CFAP57: variants seen among roughly 807,000 people sequenced by gnomAD.
CFAP57 encodes the protein cilia and flagella associated protein 57, also known as cilia- and flagella-associated protein 57.
A neutral mutation model predicts 146.8 loss-of-function variants in CFAP57; 116 were observed. The ratio of observed to expected loss-of-function variants is 0.79; its 90% CI spans 0.68 to 0.92. The LOEUF is 0.92. CFAP57 is among the 40% of genes least tolerant of loss of function. CFAP57 has a pLI of 0.00. For synonymous variants in CFAP57, 518 were observed against 552.8 expected (o/e 0.94, Z 0.88); for missense variants, 1,377 against 1,527.2 (o/e 0.90, Z 1.64).
chr1:43,230,761 A>G (rs1645434980), intron 18 of CFAP57, among the ~76,000 whole-genome samples: 1 of 152,144 alleles, frequency 6.6e-6, no homozygotes, highest in Non-Finnish European at 1.5e-5. Flanking sequence ...TCCTCTGTGT[A>G]CACACAGTGC....
At chr1:43,233,715 G>T (rs1645568861) in intron 19 of CFAP57, among the ~76,000 whole-genome samples, 2 of 152,146 alleles carry the variant, frequency 1.3e-5, no homozygotes, top group South Asian at 2.1e-4. Context: ...AAGGAGAAAT[G>T]ACTTTCTCTA....
chr1:43,234,718 C>A, intron 21 of CFAP57, 80 bp downstream of exon 21: 8 of 1,461,478 alleles, frequency 5.5e-6, no homozygotes, highest in Non-Finnish European at 7.3e-6. Context: ...CCTCTGAGAC[C>A]ACCTGTCTTC....
Position 43,236,889 on chromosome 1 carries a change from A to G in CFAP57, c.3405+2251A>G, listed in dbSNP as rs183448710. Among the ~76,000 whole-genome samples the G allele has an allele frequency of 6.7e-3, 950 of 141,984 alleles. 4 individuals are homozygous for G. Among genetic ancestry groups the G allele is most frequent in the Non-Finnish European group, 0.011 (733 of 65,740 alleles). The allele number at this position is 141,984 out of a possible 152,430, so 93.1% of individuals were successfully genotyped here. On this transcript the variant is annotated intron_variant, in intron 21 of 22. Coordinates refer to ENST00000372492, the MANE Select transcript of CFAP57 (RefSeq NM_001378189.1). ...GGGCCACTGCACTCCAGCCTGGGCG[A>G]CAGAGCGAGACTCCATCCCCCCCCA...
intron 21 of CFAP57, 47 bp from the exon 22 acceptor site, chr1:43,243,180 G>C: frequency 6.5e-7 from 1 of 1,542,332 alleles, no homozygotes; most frequent in Non-Finnish European, 8.7e-7. Flanking sequence ...TGTGCCCACT[G>C]ACCACTCATC....
intron 6 of CFAP57, among the ~76,000 whole-genome samples, chr1:43,190,610 G>GT (rs1643456346): frequency 6.6e-6 from 1 of 151,902 alleles, no homozygotes. Flanking sequence ...CTGTCTGTAG[G>GT]TTTTTTTGAA....
chr1:43,199,555 C>T, intron 9 of CFAP57, 52 bp downstream of exon 9: 1 of 1,528,524 alleles, frequency 6.5e-7, no homozygotes, highest in Non-Finnish European at 9.1e-7. Context: ...GCCAAGTATG[C>T]CGCCAGCCAG....
chr1:43,250,059 G>A (rs570395924), intron 22 of CFAP57, among the ~76,000 whole-genome samples: 1 of 152,244 alleles, frequency 6.6e-6, no homozygotes, highest in East Asian at 1.9e-4. Context: ...ATTTACATAA[G>A]TCACGTGAAC....
Position 43,252,157 on chromosome 1 carries a change from T to G in CFAP57, c.3539-1820T>G, listed in dbSNP as rs75179494. 1.3e-3 allele frequency among the ~76,000 whole-genome samples: 196 copies of G among 152,256 alleles called. 2 individuals carry two copies. In the East Asian group the frequency reaches 0.034, roughly 26 times the overall value. ...ATGCATATGGGAAAACTGACAAGGA[T>G]ATCTGTTTTAAAAACAAAGAAAAGA... On this transcript the variant is annotated intron_variant, in intron 22 of 22. Transcript: ENST00000372492.
At position 43,181,867 on chromosome 1, in the gene CFAP57, C is replaced by A. The variant is rs1193381263; in HGVS notation, c.474+17C>A. 6.2e-7 allele frequency: 1 copy of A among 1,611,724 alleles called. No homozygotes were observed. The highest frequency in any genetic ancestry group is 2.2e-5 in the East Asian group (1 of 44,870). On this transcript the variant is annotated intron_variant, in intron 3 of 22. Transcript: ENST00000372492. ...GTCTACCAGGTACCTAGTAGTGTGA[C>A]AAGTATCGTGAAAATTATAAAAAAT...
chr1:43,249,421 CTT>C (rs60189164), intron 22 of CFAP57, among the ~76,000 whole-genome samples: 142 of 67,872 alleles, frequency 2.1e-3, no homozygotes, highest in African/African-American at 7.7e-3. Context: ...TTAACCATTT[CTT>C]TTTTTTTTTT....
intron 15 of CFAP57, 78 bp downstream of exon 15, chr1:43,222,373 C>A: frequency 8.0e-7 from 1 of 1,242,766 alleles, no homozygotes. Context: ...ATGGCATAGC[C>A]ACTGTATGCC....
At chr1:43,228,790 T>C (rs1446360478) in intron 18 of CFAP57, among the ~76,000 whole-genome samples, 1 of 149,128 alleles carries the variant, frequency 6.7e-6, no homozygotes. Context: ...CAGAAATGTA[T>C]TGCTGAAAGT....
At chr1:43,186,407 C>T (rs1051975090) in intron 5 of CFAP57, among the ~76,000 whole-genome samples, 2 of 151,852 alleles carry the variant, frequency 1.3e-5, no homozygotes, top group Non-Finnish European at 2.9e-5. Context: ...GTCAGGAGAT[C>T]GAGACCATCC....
At chr1:43,199,729 C>T (rs142425902) in intron 9 of CFAP57, among the ~76,000 whole-genome samples, 8 of 152,118 alleles carry the variant, frequency 5.3e-5, no homozygotes, top group South Asian at 2.1e-4. Context: ...ATGAAGGGGG[C>T]GGCATAATTT....
At chr1:43,215,950 C>G (rs1644817138) in intron 12 of CFAP57, among the ~76,000 whole-genome samples, 1 of 152,076 alleles carries the variant, frequency 6.6e-6, no homozygotes, top group Non-Finnish European at 1.5e-5. Context: ...ATCCAGAGCC[C>G]CCTCCCTTAA....
intron 2 of CFAP57, among the ~76,000 whole-genome samples, chr1:43,173,269 C>T (rs553782633): frequency 2.0e-5 from 3 of 152,134 alleles, no homozygotes; most frequent in East Asian, 1.9e-4. Context: ...ATTATATCAC[C>T]GTTTGAATCC....
chr1:43,186,912 G>C (rs930604287), intron 6 of CFAP57, 53 bp downstream of exon 6: 1 of 1,609,928 alleles, frequency 6.2e-7, no homozygotes, highest in Non-Finnish European at 8.5e-7. Flanking sequence ...TGCCTGCTGG[G>C]GGACTAGTCA....
intron 21 of CFAP57, among the ~76,000 whole-genome samples, chr1:43,236,336 C>T (rs1012867474): frequency 2.6e-5 from 4 of 151,940 alleles, no homozygotes; most frequent in Non-Finnish European, 5.9e-5. Context: ...AACAGTGGAG[C>T]TCTTTTTGTT....
At chr1:43,210,648 G>A (rs1644563167) in intron 11 of CFAP57, 1 of 161,986 alleles carries the variant, frequency 6.2e-6, no homozygotes, top group Admixed American at 6.2e-5. Context: ...CAGAGTGGTG[G>A]TTGGCAGGGG....
Sources: gnomAD v4.1 joint callset for allele counts (sites outside exome capture counted in the v4.1 genomes callset) on GRCh38, gnomAD v4.1.1 for gene constraint, MANE v1.5 for transcripts, NCBI Gene and HGNC (gene_info 2026-07-23, HGNC 2026-07-21) for gene names.